The following SESTD1 variants were observed in gnomAD, a reference collection of about 807,000 sequenced individuals.
The protein encoded by SESTD1 is SEC14 and spectrin domain containing 1.
SESTD1 carries 43 observed loss-of-function variants against 101.7 expected under a neutral mutation model. The ratio of observed to expected loss-of-function variants is 0.42; its 90% CI spans 0.33 to 0.55. The LOEUF (loss-of-function observed/expected upper bound fraction) is 0.55, where lower values mean the gene tolerates loss of function less well. Among genes scored for constraint, SESTD1 ranks in the 20% least tolerant of loss-of-function variants. SESTD1 has a pLI of 0.07. For synonymous variants in SESTD1, 283 were observed against 286.8 expected (o/e 0.99, Z 0.13); for missense variants, 647 against 815.1 (o/e 0.79, Z 2.51).
chr2:179,192,403 A>G (rs189484068), intron 1 of SESTD1, among the ~76,000 whole-genome samples: 1 of 152,066 alleles, frequency 6.6e-6, no homozygotes, highest in Non-Finnish European at 1.5e-5. Flanking sequence ...ATGGTACCAC[A>G]TCTTATCCTG....
chr2:179,233,286 T>C (rs553223793), intron 1 of SESTD1, among the ~76,000 whole-genome samples: 48 of 152,320 alleles, frequency 3.2e-4, no homozygotes, highest in Admixed American at 6.5e-4. Context: ...TCTAAATTAC[T>C]TTTTGTATAT....
Position 179,247,832 on chromosome 2 carries a change from C to T in SESTD1, c.-26+16667G>A, listed in dbSNP as rs114945186. 8.5e-3 allele frequency among the ~76,000 whole-genome samples: 1,288 copies of T among 151,974 alleles called. 9 individuals carry two copies. Among genetic ancestry groups the T allele is most frequent in the African/African-American group, 0.029 (1,200 of 41,440 alleles). On this transcript the variant is annotated intron_variant, in intron 1 of 17. Coordinates refer to ENST00000428443, the MANE Select transcript of SESTD1 (RefSeq NM_178123.5). ...AGATACAGGAATAAACAGAAATTTACACTACCTAAGAGCCAAACAGGAAGT... is the reference window on the plus strand; with the variant it reads ...AGATACAGGAATAAACAGAAATTTATACTACCTAAGAGCCAAACAGGAAGT...
intron 5 of SESTD1, among the ~76,000 whole-genome samples, chr2:179,160,329 T>C (rs1407991965): frequency 1.3e-5 from 2 of 152,116 alleles, no homozygotes; most frequent in Non-Finnish European, 2.9e-5. Flanking sequence ...ACACAATTGC[T>C]GAAAATTCTA....
chr2:179,108,834 T>A lies in SESTD1; in HGVS notation c.*1065A>T, dbSNP rs1162682253. ...ATGATAAATTTTATTTCTAAAGGGG[T>A]CATACAGTTCTGTTATTGGACTACT... On this transcript the variant is annotated 3_prime_UTR_variant, in exon 18 of 18. Coordinates refer to ENST00000428443, the MANE Select transcript of SESTD1 (RefSeq NM_178123.5). The A allele has an allele frequency of 6.6e-6, 1 of 151,934 alleles. No homozygotes were observed. The highest frequency in any genetic ancestry group is 1.5e-5 in the Non-Finnish European group (1 of 67,966). 9.4% of individuals were successfully genotyped at this position (151,934 alleles called of 1,614,324 possible).
At chr2:179,240,386 G>T (rs2047133673) in intron 1 of SESTD1, among the ~76,000 whole-genome samples, 1 of 152,114 alleles carries the variant, frequency 6.6e-6, no homozygotes, top group Admixed American at 6.6e-5. Context: ...AAATAAAAGT[G>T]CTACACATTA....
chr2:179,196,537 T>G (rs1158541568), intron 1 of SESTD1, among the ~76,000 whole-genome samples: 1 of 152,166 alleles, frequency 6.6e-6, no homozygotes, highest in African/African-American at 2.4e-5. Flanking sequence ...AGCAGTAACC[T>G]CTGCAGACTT....
intron 1 of SESTD1, among the ~76,000 whole-genome samples, chr2:179,197,151 AC>A (rs1206672188): frequency 1.3e-5 from 2 of 152,212 alleles, no homozygotes; most frequent in African/African-American, 4.8e-5. Flanking sequence ...CTCGAGAACT[AC>A]GTGAAGAAAG....
rs560361241 is a variant in SESTD1, at chr2:179,111,772, C to T, written c.1961+952G>A. ...TCTTGCTCTGTCACCCAGGCTGGAG[C>T]GCAGTGGCGTGATCTCGGCTCACTG... On this transcript the variant is annotated intron_variant, in intron 17 of 17. Coordinates refer to ENST00000428443, the MANE Select transcript of SESTD1 (RefSeq NM_178123.5). Among the ~76,000 whole-genome samples, 662 of 146,898 alleles carry T rather than the reference C, an allele frequency of 4.5e-3. 2 individuals carry two copies. Among genetic ancestry groups the T allele is most frequent in the African/African-American group, 0.015 (592 of 39,438 alleles).
intron 1 of SESTD1, among the ~76,000 whole-genome samples, chr2:179,241,696 G>T (rs1221824639): frequency 6.6e-6 from 1 of 152,078 alleles, no homozygotes; most frequent in Non-Finnish European, 1.5e-5. Context: ...GCCAAGGCAG[G>T]CAGATCACGA....
chr2:179,195,691 C>T (rs922166654), intron 1 of SESTD1, among the ~76,000 whole-genome samples: 3 of 152,024 alleles, frequency 2.0e-5, no homozygotes, highest in Admixed American at 6.6e-5. Flanking sequence ...GCAAATGAAA[C>T]GGAAACCTTA....
intron 2 of SESTD1, among the ~76,000 whole-genome samples, chr2:179,186,268 A>G (rs1334870777): frequency 2.0e-5 from 3 of 152,098 alleles, no homozygotes; most frequent in Non-Finnish European, 2.9e-5. Flanking sequence ...GTAGAGATTT[A>G]CTCAACGATC....
Position 179,180,826 on chromosome 2 carries a change from C to A in SESTD1, c.164+2254G>T, listed in dbSNP as rs554761687. Reference sequence around the variant, plus strand: ...CATCGCAATGGAGAGATCAAAAACACCTTAGCTCTCTAAGGAAATGGCAAG... The same window carrying A: ...CATCGCAATGGAGAGATCAAAAACAACTTAGCTCTCTAAGGAAATGGCAAG... On this transcript the variant is annotated intron_variant, in intron 3 of 17. Transcript: ENST00000428443. Among the ~76,000 whole-genome samples the A allele has an allele frequency of 2.0e-5, 3 of 152,230 alleles. No homozygotes were observed. The South Asian group carries it at 6.2e-4, about 32-fold the overall frequency.
rs1369747087 is a variant in SESTD1, at chr2:179,215,715, C to T, written c.-25-23849G>A. ...AAAGAGAATTTTAGACCAATATCCC[C>T]GATGAACACTGATGCGAAAATCCTC... is the stretch of plus-strand genomic sequence containing the variant. On this transcript the variant is annotated intron_variant, in intron 1 of 17. Coordinates refer to ENST00000428443, the MANE Select transcript of SESTD1 (RefSeq NM_178123.5). Among the ~76,000 whole-genome samples the T allele has an allele frequency of 3.0e-5, 4 of 134,432 alleles. 1 individual carries two copies. Among genetic ancestry groups the T allele is most frequent in the African/African-American group, 1.2e-4 (4 of 33,962 alleles). 88.2% of individuals were successfully genotyped at this position (134,432 alleles called of 152,430 possible).
At chr2:179,144,120 ATTTTT>A (rs1023440030) in intron 8 of SESTD1, among the ~76,000 whole-genome samples, 1 of 151,012 alleles carries the variant, frequency 6.6e-6, no homozygotes, top group Non-Finnish European at 1.5e-5. Flanking sequence ...TACGGTTTAT[ATTTTT>A]TTTTATCAAT....
chr2:179,191,924 A>G, intron 1 of SESTD1, 58 bp from the exon 2 acceptor site: 1 of 1,131,228 alleles, frequency 8.8e-7, no homozygotes, highest in South Asian at 1.3e-5. Flanking sequence ...CACGAAATAT[A>G]TCCTAATGAT....
chr2:179,239,510 T>C (rs998135386), intron 1 of SESTD1, among the ~76,000 whole-genome samples: 2 of 152,204 alleles, frequency 1.3e-5, no homozygotes, highest in Non-Finnish European at 2.9e-5. Context: ...TATTCACTTA[T>C]ATTTTAACCC....
At chr2:179,179,634 A>G (rs940163763) in intron 3 of SESTD1, among the ~76,000 whole-genome samples, 1 of 152,236 alleles carries the variant, frequency 6.6e-6, no homozygotes, top group Non-Finnish European at 1.5e-5. Flanking sequence ...GAAAGCAAGA[A>G]TGTTATCTTA....
At chr2:179,171,210 C>T (rs191994106) in intron 5 of SESTD1, among the ~76,000 whole-genome samples, 21 of 152,270 alleles carry the variant, frequency 1.4e-4, no homozygotes, top group African/African-American at 5.1e-4. Flanking sequence ...AATTTCACTG[C>T]ACGTAAATTA....
At chr2:179,114,942 C>A in intron 16 of SESTD1, 123 bp downstream of exon 16, 1 of 830,480 alleles carries the variant, frequency 1.2e-6, no homozygotes, top group Non-Finnish European at 1.8e-6. Context: ...CAAACCGTAA[C>A]AACGGAACTA....
Sources: allele counts gnomAD v4.1 joint callset (sites outside exome capture counted in the v4.1 genomes callset), GRCh38; gene constraint gnomAD v4.1.1; transcripts MANE v1.5; gene names NCBI Gene and HGNC (gene_info 2026-07-23, HGNC 2026-07-21).